SGCZ: variants seen among roughly 807,000 people sequenced by gnomAD.
The protein encoded by SGCZ is zeta-sarcoglycan.
In SGCZ, 40 loss-of-function variants were observed where a neutral mutation model predicts 41.3. The observed-to-expected ratio is 0.97, with a 90% CI of 0.75 to 1.26. SGCZ has a LOEUF of 1.26. Ranked by LOEUF, SGCZ falls within the 50% of genes most tolerant of loss-of-function variation. SGCZ has a pLI of 0.00. For synonymous variants in SGCZ, 206 were observed against 137.5 expected, an observed-to-expected ratio of 1.50 and a Z score of -3.49; for missense variants, 552 against 369.8, an observed-to-expected ratio of 1.49 and a Z score of -4.04.
chr8:14,221,116 A>G (rs1027763757), intron 4 of SGCZ, among the ~76,000 whole-genome samples: 1 of 152,196 alleles, frequency 6.6e-6, no homozygotes, highest in African/African-American at 2.4e-5. Context: ...GGAAATATAA[A>G]TCACTCCTAC....
chr8:14,137,334 A>C (rs186914280), intron 5 of SGCZ, among the ~76,000 whole-genome samples: 3 of 152,228 alleles, frequency 2.0e-5, no homozygotes, highest in Non-Finnish European at 4.4e-5. Context: ...TGACTTTGTC[A>C]AGTTGACAGA....
At chr8:14,442,486 G>A (rs964537673) in intron 2 of SGCZ, among the ~76,000 whole-genome samples, 1 of 152,140 alleles carries the variant, frequency 6.6e-6, no homozygotes, top group Non-Finnish European at 1.5e-5. Flanking sequence ...ATAGCAGCAT[G>A]AAAACAAACT....
In SGCZ at chr8:15,218,018, G is replaced by A. The variant is rs78932311; in HGVS notation, c.39+19567C>T. Among the ~76,000 whole-genome samples the A allele has an allele frequency of 7.9e-3, 1,204 of 152,126 alleles. 11 individuals carry two copies. The highest frequency in any genetic ancestry group is 0.022 in the South Asian group (105 of 4,824). ...GGAGAATTACTTCACCCTGGGAGGC[G>A]GAGATTCCTTCGGTAAACATACATG... is the stretch of plus-strand genomic sequence containing the variant. On this transcript the variant is annotated intron_variant, in intron 1 of 7. Coordinates refer to ENST00000382080, the MANE Select transcript of SGCZ (RefSeq NM_139167.4).
At chr8:14,728,001 A>G (rs2130222258) in intron 1 of SGCZ, among the ~76,000 whole-genome samples, 1 of 152,332 alleles carries the variant, frequency 6.6e-6, no homozygotes, top group East Asian at 1.9e-4. Flanking sequence ...GACACAAAAG[A>G]TTACCTACTT....
At chr8:14,300,557 A>G (rs1226866255) in intron 3 of SGCZ, among the ~76,000 whole-genome samples, 4 of 151,960 alleles carry the variant, frequency 2.6e-5, no homozygotes, top group African/African-American at 9.7e-5. Flanking sequence ...TTAATAGTAT[A>G]TGTAAGATTG....
intron 1 of SGCZ, among the ~76,000 whole-genome samples, chr8:15,201,168 C>T (rs938514232): frequency 6.6e-6 from 1 of 152,164 alleles, no homozygotes; most frequent in Non-Finnish European, 1.5e-5. Context: ...AGGCCTGTGC[C>T]ATCAAGTCTG....
chr8:14,148,929 T>A (rs1003699460), intron 5 of SGCZ, among the ~76,000 whole-genome samples: 1 of 152,080 alleles, frequency 6.6e-6, no homozygotes, highest in Admixed American at 6.5e-5. Flanking sequence ...GAATGAAGGA[T>A]AAAAACCACA....
intron 3 of SGCZ, among the ~76,000 whole-genome samples, chr8:14,293,206 ACGT>A (rs1216552627): frequency 6.6e-6 from 1 of 152,078 alleles, no homozygotes; most frequent in Non-Finnish European, 1.5e-5. Context: ...AGCAACATAC[ACGT>A]AACAAAGATG....
At chr8:14,588,303 T>A (rs1387854288) in intron 1 of SGCZ, among the ~76,000 whole-genome samples, 1 of 152,046 alleles carries the variant, frequency 6.6e-6, no homozygotes, top group East Asian at 1.9e-4. Flanking sequence ...TATACTTGAT[T>A]TAATGTTGCC....
intron 1 of SGCZ, among the ~76,000 whole-genome samples, chr8:14,910,601 G>C (rs1048278428): frequency 2.0e-5 from 3 of 151,640 alleles, no homozygotes; most frequent in Admixed American, 2.0e-4. Flanking sequence ...TAGAATTCTA[G>C]TTCATTTTTT....
intron 1 of SGCZ, among the ~76,000 whole-genome samples, chr8:14,722,338 C>A (rs58207973): frequency 0.09 from 13,682 of 151,924 alleles, 1,352 homozygotes; most frequent in African/African-American, 0.24. Flanking sequence ...GAACACTAAG[C>A]AATAATTTTC....
At chr8:14,498,761 C>T (rs1802064443) in intron 2 of SGCZ, among the ~76,000 whole-genome samples, 3 of 151,838 alleles carry the variant, frequency 2.0e-5, no homozygotes, top group Non-Finnish European at 1.5e-5. Flanking sequence ...ATATTAATCC[C>T]TGTGGCTAAA....
At chr8:14,552,393 T>C (rs1803898887) in intron 2 of SGCZ, among the ~76,000 whole-genome samples, 1 of 152,096 alleles carries the variant, frequency 6.6e-6, no homozygotes. Flanking sequence ...GATACATTCC[T>C]GAAAACTTCA....
intron 2 of SGCZ, among the ~76,000 whole-genome samples, chr8:14,404,957 C>T (rs73664352): frequency 0.13 from 20,041 of 152,162 alleles, 2,850 homozygotes; most frequent in African/African-American, 0.36. Context: ...TTTAAATCCT[C>T]CGGGTTGCAG....
chr8:14,835,648 T>C (rs889787932), intron 1 of SGCZ, among the ~76,000 whole-genome samples: 3 of 152,222 alleles, frequency 2.0e-5, no homozygotes, highest in Non-Finnish European at 2.9e-5. Context: ...TAATTTGATA[T>C]TCCACCATTT....
chr8:14,648,445 T>C (rs568489018), intron 1 of SGCZ, among the ~76,000 whole-genome samples: 77 of 152,028 alleles, frequency 5.1e-4, no homozygotes, highest in Non-Finnish European at 9.6e-4. Context: ...CCAAATATAA[T>C]GGAGCAATAT....
At chr8:14,416,682 T>C (rs1799502214) in intron 2 of SGCZ, among the ~76,000 whole-genome samples, 1 of 151,928 alleles carries the variant, frequency 6.6e-6, no homozygotes, top group Non-Finnish European at 1.5e-5. Context: ...CTGTGTTTTA[T>C]GTTAGAAAAG....
At chr8:14,486,266 T>C (rs370138411) in intron 2 of SGCZ, among the ~76,000 whole-genome samples, 1 of 152,134 alleles carries the variant, frequency 6.6e-6, no homozygotes, top group Admixed American at 6.5e-5. Flanking sequence ...TTGTAGTTCC[T>C]GTGGAACCAG....
chr8:14,185,633 A>C (rs1029060641), intron 4 of SGCZ, among the ~76,000 whole-genome samples: 3 of 151,722 alleles, frequency 2.0e-5, no homozygotes, highest in African/African-American at 7.3e-5. Flanking sequence ...TATTCTCTTG[A>C]CTTTTCTTCT....
Sources: allele counts gnomAD v4.1 joint callset (sites outside exome capture counted in the v4.1 genomes callset), GRCh38; gene constraint gnomAD v4.1.1; transcripts MANE v1.5; gene names NCBI Gene and HGNC (gene_info 2026-07-23, HGNC 2026-07-21).